SRP72: variants seen among roughly 807,000 people sequenced by gnomAD.
SRP72 encodes the protein signal recognition particle 72, also known as signal recognition particle subunit SRP72.
SRP72 carries 49 observed loss-of-function variants against 96.3 expected under a neutral mutation model. The observed-to-expected ratio is 0.51, with a 90% CI of 0.40 to 0.65. The LOEUF is 0.65. Among genes scored for constraint, SRP72 ranks in the 30% least tolerant of loss-of-function variants. The pLI, the probability that SRP72 is intolerant of heterozygous loss-of-function variation, is 0.00. For missense variants in SRP72, 736 were observed against 793.3 expected, an observed-to-expected ratio of 0.93 and a Z score of 0.87; for synonymous variants, 267 against 275.2, an observed-to-expected ratio of 0.97 and a Z score of 0.30.
At chr4:56,498,670 A>G (rs1721160203) in intron 17 of SRP72, among the ~76,000 whole-genome samples, 1 of 152,208 alleles carries the variant, frequency 6.6e-6, no homozygotes, top group African/African-American at 2.4e-5. Context: ...TCCCGTTCAC[A>G]ATTGCTACAA....
At chr4:56,490,475 T>C (rs1241745054) in intron 14 of SRP72, 39 bp downstream of exon 14, 1 of 1,604,420 alleles carries the variant, frequency 6.2e-7, no homozygotes, top group Non-Finnish European at 8.5e-7. Context: ...ATAACACATT[T>C]ATTGTTGCTA....
At chr4:56,469,849 C>A in intron 2 of SRP72, 76 bp downstream of exon 2, 1 of 1,333,584 alleles carries the variant, frequency 7.5e-7, no homozygotes, top group Non-Finnish European at 9.9e-7. Flanking sequence ...ATGTTTTTTC[C>A]CAACTATTTG....
chr4:56,469,841 G>GT (rs1393180560), intron 2 of SRP72, 68 bp downstream of exon 2: 5 of 1,362,404 alleles, frequency 3.7e-6, no homozygotes, highest in Admixed American at 2.5e-5. Context: ...TCTCTTCCAT[G>GT]TTTTTTCCCA....
intron 16 of SRP72, among the ~76,000 whole-genome samples, chr4:56,491,965 A>G (rs1377682072): frequency 1.3e-5 from 2 of 152,100 alleles, no homozygotes; most frequent in Non-Finnish European, 2.9e-5. Context: ...GGTTCAAGCA[A>G]TTCTGCCTCA....
At chr4:56,475,339 C>T (rs935308093) in intron 5 of SRP72, among the ~76,000 whole-genome samples, 7 of 152,034 alleles carry the variant, frequency 4.6e-5, no homozygotes, top group African/African-American at 1.7e-4. Context: ...AGGAGGATTG[C>T]TTGAGCCTAG....
At chr4:56,492,844 T>C (rs1578194735) in intron 16 of SRP72, among the ~76,000 whole-genome samples, 1 of 152,124 alleles carries the variant, frequency 6.6e-6, no homozygotes, top group Non-Finnish European at 1.5e-5. Flanking sequence ...GTTCCTTCTT[T>C]AGCCTGGCAT....
intron 18 of SRP72, among the ~76,000 whole-genome samples, chr4:56,501,324 C>T (rs1453125709): frequency 1.3e-5 from 2 of 152,060 alleles, no homozygotes; most frequent in Admixed American, 1.3e-4. Flanking sequence ...AGGAGAATCA[C>T]GTGAACCCAG....
At chr4:56,500,921 A>G (rs1192769203) in intron 18 of SRP72, among the ~76,000 whole-genome samples, 1 of 152,112 alleles carries the variant, frequency 6.6e-6, no homozygotes, top group Non-Finnish European at 1.5e-5. Context: ...TATTTACAAT[A>G]TAATCAAATA....
chr4:56,484,041 T>TTTTTTTTG (rs1720609983), intron 9 of SRP72, among the ~76,000 whole-genome samples: 1 of 138,316 alleles, frequency 7.2e-6, no homozygotes, highest in African/African-American at 2.8e-5. Flanking sequence ...TTTTTTTTTT[T>TTTTTTTTG]TTTTTTTTTT....
intron 17 of SRP72, chr4:56,500,313 T>A (rs1721218933): frequency 2.7e-5 from 11 of 412,120 alleles, no homozygotes; most frequent in Middle Eastern, 7.2e-4. Flanking sequence ...CATGTATACC[T>A]ATGTAACAAA....
chr4:56,501,430 C>T (rs946038087), intron 18 of SRP72, among the ~76,000 whole-genome samples: 147 of 151,744 alleles, frequency 9.7e-4, no homozygotes, highest in African/African-American at 3.3e-3. Context: ...GACTCTGTCT[C>T]AAAAAAATAA....
At chr4:56,501,205 C>T (rs550585680) in intron 18 of SRP72, among the ~76,000 whole-genome samples, 6 of 152,196 alleles carry the variant, frequency 3.9e-5, no homozygotes, top group Admixed American at 6.5e-5. Context: ...GTTGCTAGTT[C>T]GAGAATAGCT....
intron 8 of SRP72, among the ~76,000 whole-genome samples, chr4:56,481,328 C>G (rs1262320611): frequency 6.6e-6 from 1 of 152,136 alleles, no homozygotes; most frequent in Non-Finnish European, 1.5e-5. Context: ...CATTGTTTTA[C>G]AAAGCTAGAG....
chr4:56,468,346 C>T (rs990731419), intron 1 of SRP72, among the ~76,000 whole-genome samples: 1 of 152,206 alleles, frequency 6.6e-6, no homozygotes, highest in Admixed American at 6.5e-5. Flanking sequence ...TGTGGAAGCA[C>T]CAACACTTGA....
chr4:56,486,427 T>C, intron 11 of SRP72, 30 bp downstream of exon 11: 1 of 1,532,560 alleles, frequency 6.5e-7, no homozygotes, highest in Non-Finnish European at 8.9e-7. Context: ...GATTAAAATA[T>C]TTTAATGAAA....
chr4:56,503,381 A>G lies in SRP72; in HGVS notation c.*1520A>G, dbSNP rs1222282822. The G allele has an allele frequency of 6.6e-6, 1 of 152,230 alleles. No homozygotes were observed. Among genetic ancestry groups the G allele is most frequent in the African/African-American group, 2.4e-5 (1 of 41,462 alleles). The allele number at this position is 152,230 out of a possible 1,614,324, so 9.4% of individuals were successfully genotyped here. A position where few individuals can be genotyped will look rare whatever the true frequency, so the allele number is the denominator to read the frequency against. On this transcript the variant is annotated 3_prime_UTR_variant, in exon 19 of 19. Coordinates refer to ENST00000642900, the MANE Select transcript of SRP72 (RefSeq NM_006947.4). ...TTCCATCATTGAAAATTTTGACCCA[A>G]GGCACAGCAGTGAAATTTATAGTTC...
chr4:56,483,804 G>C (rs552861437), intron 9 of SRP72, among the ~76,000 whole-genome samples: 5 of 152,090 alleles, frequency 3.3e-5, no homozygotes, highest in Non-Finnish European at 5.9e-5. Context: ...ACCTTTAAAT[G>C]AGATAACTTT....
rs201131530 is a variant in SRP72, at chr4:56,502,465, TTATATATA to T, written c.*614_*621del. ...CTGGAATATGGGATACTTTTCATGT[TTATATATA>T]TATATATATGTATATATATATACAT... is the stretch of plus-strand genomic sequence containing the variant. On this transcript the variant is annotated 3_prime_UTR_variant, in exon 19 of 19. Transcript: ENST00000642900. The T allele has an allele frequency of 1.5e-5, 2 of 129,344 alleles. No individual in the cohort carries two copies. The highest frequency in any genetic ancestry group is 3.2e-5 in the Non-Finnish European group (2 of 63,114). 8.0% of individuals were successfully genotyped at this position (129,344 alleles called of 1,614,324 possible).
intron 1 of SRP72, among the ~76,000 whole-genome samples, chr4:56,468,570 C>T (rs1719845000): frequency 6.6e-6 from 1 of 151,682 alleles, no homozygotes; most frequent in African/African-American, 2.4e-5. Context: ...AATGTAATTA[C>T]CAAGGCAGGG....
Sources: gnomAD v4.1 joint callset for allele counts (sites outside exome capture counted in the v4.1 genomes callset) on GRCh38, gnomAD v4.1.1 for gene constraint, MANE v1.5 for transcripts, NCBI Gene and HGNC (gene_info 2026-07-23, HGNC 2026-07-21) for gene names.